The following EFCAB13 variants were observed in gnomAD, a reference collection of about 807,000 sequenced individuals.
EFCAB13 encodes EF-hand calcium binding domain 13.
EFCAB13 carries 91 observed loss-of-function variants against 110.2 expected under a neutral mutation model. The observed-to-expected ratio is 0.83, with a 90% CI of 0.70 to 0.98. The LOEUF is 0.98. EFCAB13 is among the 50% of genes least tolerant of loss of function. The pLI, the probability that EFCAB13 is intolerant of heterozygous loss-of-function variation, is 0.00. For synonymous variants in EFCAB13, 323 were observed against 369.9 expected, an observed-to-expected ratio of 0.87 and a Z score of 1.45; for missense variants, 968 against 1,119.4, an observed-to-expected ratio of 0.86 and a Z score of 1.93.
In EFCAB13 at chr17:47,330,290, G is replaced by A. The variant is rs144801292; in HGVS notation, c.30+1907G>A. 4.6e-5 allele frequency among the ~76,000 whole-genome samples: 7 copies of A among 151,668 alleles called. No individual in the cohort carries two copies. In the East Asian group the frequency reaches 7.7e-4, roughly 17 times the overall value. ...GTTTTTTGTTATTTTATTTTTTGTA[G>A]AGAAAGATATTTATTTATTTAATAT... On this transcript the variant is annotated intron_variant, in intron 4 of 24. Transcript: ENST00000331493.
intron 10 of EFCAB13, among the ~76,000 whole-genome samples, chr17:47,366,017 G>T (rs1032457142): frequency 2.0e-5 from 3 of 152,112 alleles, no homozygotes; most frequent in Non-Finnish European, 4.4e-5. Flanking sequence ...GCAGAATTTT[G>T]CAGTAAGGAA....
At chr17:47,335,159 A>C in intron 4 of EFCAB13, 37 bp from the exon 5 acceptor site, 1 of 1,536,234 alleles carries the variant, frequency 6.5e-7, no homozygotes, top group East Asian at 2.3e-5. Context: ...GTATGTGCAA[A>C]GAGGACATGC....
At chr17:47,421,624 T>A (rs1320922236) in intron 23 of EFCAB13, among the ~76,000 whole-genome samples, 141 of 122,900 alleles carry the variant, frequency 1.1e-3, no homozygotes, top group East Asian at 1.9e-3. Context: ...GAATGAGCAA[T>A]AAAAAAAAGA....
intron 9 of EFCAB13, among the ~76,000 whole-genome samples, chr17:47,359,986 G>A (rs1160062179): frequency 2.0e-5 from 3 of 151,674 alleles, no homozygotes; most frequent in Non-Finnish European, 4.4e-5. Flanking sequence ...TAGTATTCCA[G>A]GGTGTATATG....
Position 47,388,182 on chromosome 17 carries a change from A to C in EFCAB13, c.1583-3255A>C, listed in dbSNP as rs553231015. Among the ~76,000 whole-genome samples, 10 of 152,272 alleles carry C rather than the reference A, an allele frequency of 6.6e-5. No individual in the cohort carries two copies. In the South Asian group the frequency reaches 1.9e-3, roughly 28 times the overall value. On this transcript the variant is annotated intron_variant, in intron 14 of 24. Transcript: ENST00000331493. ...GGGTTTATTGCCTATAGGCACTCAT[A>C]ATACTTCCTTTGGGTTGATTCAGGA...
intron 10 of EFCAB13, among the ~76,000 whole-genome samples, chr17:47,363,721 G>A (rs747611602): frequency 2.0e-5 from 3 of 152,104 alleles, no homozygotes; most frequent in Non-Finnish European, 4.4e-5. Flanking sequence ...GTGTAAATAT[G>A]GCAGAAAAAT....
chr17:47,394,216 A>G, intron 16 of EFCAB13, 117 bp downstream of exon 16: 1 of 568,838 alleles, frequency 1.8e-6, no homozygotes, highest in Non-Finnish European at 2.9e-6. Flanking sequence ...AGGTCATCCG[A>G]CAAATAAATG....
chr17:47,359,262 A>T (rs2065497090), intron 9 of EFCAB13, among the ~76,000 whole-genome samples: 1 of 152,134 alleles, frequency 6.6e-6, no homozygotes, highest in Non-Finnish European at 1.5e-5. Flanking sequence ...TGAGCTGGGG[A>T]GGCAGAGGTT....
chr17:47,391,131 G>A lies in EFCAB13; in HGVS notation c.1583-306G>A, dbSNP rs372012548. The stretch of plus-strand genomic sequence containing the variant: ...ATTTTTTATTTTTTTGTGGAGACAG[G>A]GGTCTTGCTTTGTTGCCCAAGCTGC... On this transcript the variant is annotated intron_variant, in intron 14 of 24. Coordinates refer to ENST00000331493, the MANE Select transcript of EFCAB13 (RefSeq NM_152347.5). Among the ~76,000 whole-genome samples, 434 of 152,098 alleles carry A rather than the reference G, an allele frequency of 2.9e-3. 2 individuals carry two copies. The highest frequency in any genetic ancestry group is 0.017 in the Middle Eastern group (5 of 294).
At chr17:47,358,265 A>G (rs1477803817) in intron 9 of EFCAB13, among the ~76,000 whole-genome samples, 2 of 152,210 alleles carry the variant, frequency 1.3e-5, no homozygotes, top group Admixed American at 6.5e-5. Flanking sequence ...CCTAGGTCTC[A>G]TAGAAACTAG....
At chr17:47,375,021 T>C (rs1456942752) in intron 12 of EFCAB13, 55 bp downstream of exon 12, 17 of 1,484,130 alleles carry the variant, frequency 1.1e-5, no homozygotes, top group Non-Finnish European at 1.5e-5. Context: ...ATGAACAGAA[T>C]GAATCAATTA....
At chr17:47,361,558 T>TATCTCA in intron 10 of EFCAB13, 37 bp downstream of exon 10, 1 of 1,515,258 alleles carries the variant, frequency 6.6e-7, no homozygotes, top group Non-Finnish European at 9.0e-7. Context: ...TGTCCATATA[T>TATCTCA]ATGTGCATAT....
At chr17:47,338,406 C>T (rs145508707) in intron 5 of EFCAB13, among the ~76,000 whole-genome samples, 10 of 152,012 alleles carry the variant, frequency 6.6e-5, no homozygotes, top group Admixed American at 1.3e-4. Flanking sequence ...TGCACCACCA[C>T]GCCTGGCTAA....
chr17:47,419,305 T>C (rs1019536628), intron 23 of EFCAB13, among the ~76,000 whole-genome samples: 7 of 152,168 alleles, frequency 4.6e-5, no homozygotes, highest in Non-Finnish European at 1.0e-4. Flanking sequence ...AAAATACTGA[T>C]GGCTGGGTGT....
intron 8 of EFCAB13, 119 bp from the exon 9 acceptor site, chr17:47,347,689 A>G (rs865788229): frequency 1.4e-6 from 1 of 724,868 alleles, no homozygotes; most frequent in African/African-American, 1.8e-5. Context: ...ACAAGTTTGA[A>G]AGGCTGAAAA....
At chr17:47,438,731 T>C (rs941464747) in intron 24 of EFCAB13, among the ~76,000 whole-genome samples, 1 of 152,138 alleles carries the variant, frequency 6.6e-6, no homozygotes, top group African/African-American at 2.4e-5. Context: ...CATTGGGCTT[T>C]GTCTTTCTCT....
chr17:47,418,913 A>C (rs985397895), intron 23 of EFCAB13, among the ~76,000 whole-genome samples: 1 of 152,148 alleles, frequency 6.6e-6, no homozygotes, highest in African/African-American at 2.4e-5. Context: ...TATTTATTCT[A>C]TCCTTATATC....
intron 2 of EFCAB13, among the ~76,000 whole-genome samples, chr17:47,325,923 A>AAAATAT (rs548207910): frequency 2.9e-5 from 3 of 102,564 alleles, no homozygotes; most frequent in East Asian, 3.5e-4. Context: ...ATATAAACAA[A>AAAATAT]ATATATATAT....
At chr17:47,381,851 G>A (rs1015284397) in intron 14 of EFCAB13, among the ~76,000 whole-genome samples, 3 of 151,982 alleles carry the variant, frequency 2.0e-5, no homozygotes, top group Admixed American at 6.5e-5. Flanking sequence ...GCTCTTTTTT[G>A]GTTCCATATG....
Sources: gnomAD v4.1 joint callset for allele counts (sites outside exome capture counted in the v4.1 genomes callset) on GRCh38, gnomAD v4.1.1 for gene constraint, MANE v1.5 for transcripts, NCBI Gene and HGNC (gene_info 2026-07-23, HGNC 2026-07-21) for gene names.